SAR1B: variants seen among roughly 807,000 people sequenced by gnomAD.
SAR1B encodes small COPII coat GTPase SAR1B.
Under a neutral mutation model 26.8 loss-of-function variants are expected in SAR1B, and 23 were observed. The ratio of observed to expected loss-of-function variants is 0.86; its 90% CI spans 0.62 to 1.22. SAR1B has a LOEUF of 1.22. SAR1B is among the 50% of genes most tolerant of loss of function. SAR1B has a pLI of 0.00. For synonymous variants in SAR1B, 65 were observed against 80.8 expected (o/e 0.80, Z 1.05); for missense variants, 196 against 232.8 (o/e 0.84, Z 1.03).
rs1765040867 is a variant in SAR1B at position 134,601,958 on chromosome 5, C to T, written c.*4992G>A. 6.6e-6 allele frequency: 1 copy of T among 152,306 alleles called. No individual in the cohort carries two copies. The highest frequency in any genetic ancestry group is 1.5e-5 in the Non-Finnish European group (1 of 68,132). The allele number at this position is 152,306 out of a possible 1,614,324, so 9.4% of individuals were successfully genotyped here. The stretch of plus-strand genomic sequence containing the variant: ...ACTTGGAAGGTTGAGGCAGGAGAAT[C>T]ACTTGAAGCTGGGAGGTGGAGGTTG... On this transcript the variant is annotated 3_prime_UTR_variant, in exon 7 of 7. Coordinates refer to ENST00000402673, the MANE Select transcript of SAR1B (RefSeq NM_016103.4).
intron 2 of SAR1B, among the ~76,000 whole-genome samples, chr5:134,622,271 G>A (rs1322366197): frequency 6.6e-6 from 1 of 151,998 alleles, no homozygotes; most frequent in Non-Finnish European, 1.5e-5. Context: ...TTATCATTAA[G>A]GAATCTACTT....
chr5:134,612,641 TAAAAAAAAAAAAAAAAAAAAAAAA>T lies in SAR1B; in HGVS notation c.244+26_244+49del, dbSNP rs34365859. The T allele has an allele frequency of 1.1e-3, 844 of 767,630 alleles. 2 individuals carry two copies. The highest frequency in any genetic ancestry group is 1.5e-3 in the Admixed American group (24 of 16,038). 47.6% of individuals were successfully genotyped at this position (767,630 alleles called of 1,614,324 possible). On this transcript the variant is annotated intron_variant, in intron 4 of 6. Transcript: ENST00000402673. Reference sequence around the variant, plus strand: ...GCCTGGGAGACAGAGTGAGCCTGTCTAAAAAAAAAAAAAAAAAAAAAAAAAAAAAAAAAAAAAAAAGAATCTTAC... The same window carrying T: ...GCCTGGGAGACAGAGTGAGCCTGTCTAAAAAAAAAAAAAAAAGAATCTTAC...
In SAR1B at chr5:134,606,459, G is replaced by A. The variant is rs2150048911; in HGVS notation, c.*491C>T. 1 of 168,404 alleles carries A rather than the reference G, an allele frequency of 5.9e-6. No individual in the cohort carries two copies. The highest frequency in any genetic ancestry group is 3.2e-3 in the Middle Eastern group (1 of 310). The allele number at this position is 168,404 out of a possible 1,614,324, so 10.4% of individuals were successfully genotyped here. On this transcript the variant is annotated 3_prime_UTR_variant, in exon 7 of 7. Coordinates refer to ENST00000402673, the MANE Select transcript of SAR1B (RefSeq NM_016103.4). ...AACATTAGAGTTTGTTTTATTGCAT[G>A]ACGTTTGCATAAGAAAAAAAGTTAT...
intron 3 of SAR1B, among the ~76,000 whole-genome samples, chr5:134,620,569 C>CA (rs1412751727): frequency 6.6e-6 from 1 of 152,078 alleles, no homozygotes; most frequent in East Asian, 1.9e-4. Flanking sequence ...GCCCCCCAAA[C>CA]AAAAAACTTG....
intron 1 of SAR1B, among the ~76,000 whole-genome samples, chr5:134,627,564 C>G (rs1580657328): frequency 6.8e-6 from 1 of 148,104 alleles, no homozygotes; most frequent in Non-Finnish European, 1.5e-5. Flanking sequence ...TTTGGGAGGC[C>G]GAGGCGGGCG....
intron 4 of SAR1B, among the ~76,000 whole-genome samples, chr5:134,611,055 G>A (rs185763184): frequency 2.0e-5 from 3 of 151,958 alleles, no homozygotes; most frequent in Admixed American, 1.3e-4. Context: ...GTAGAGACAG[G>A]GTCTTGCTAT....
chr5:134,607,253 C>G (rs1765143777), intron 6 of SAR1B, among the ~76,000 whole-genome samples, 187 bp from the exon 7 acceptor site: 1 of 152,152 alleles, frequency 6.6e-6, no homozygotes, highest in South Asian at 2.1e-4. Context: ...CTCACTCTAC[C>G]TTAGGGCAGG....
At chr5:134,611,321 T>C (rs11948613) in intron 4 of SAR1B, among the ~76,000 whole-genome samples, 17,299 of 152,212 alleles carry the variant, frequency 0.11, 1,214 homozygotes, top group East Asian at 0.27. Context: ...TTACAATCTT[T>C]TCAACTATAT....
At chr5:134,608,821 TG>T (rs1765170449) in intron 5 of SAR1B, among the ~76,000 whole-genome samples, 1 of 152,214 alleles carries the variant, frequency 6.6e-6, no homozygotes, top group Admixed American at 6.5e-5. Context: ...GATGTGACTT[TG>T]GGCAAGTTAG....
chr5:134,615,106 T>C (rs547168053), intron 3 of SAR1B, among the ~76,000 whole-genome samples: 6 of 151,984 alleles, frequency 3.9e-5, no homozygotes, highest in Non-Finnish European at 7.4e-5. Flanking sequence ...CCCAGCACTT[T>C]GGGAGGCCGA....
At chr5:134,626,298 C>CAAAAAAAA (rs35668627) in intron 1 of SAR1B, among the ~76,000 whole-genome samples, 10 of 53,124 alleles carry the variant, frequency 1.9e-4, no homozygotes, top group African/African-American at 5.5e-4. Context: ...GACTCTGCCT[C>CAAAAAAAA]AAAAAAAAAA....
intron 4 of SAR1B, among the ~76,000 whole-genome samples, chr5:134,611,475 C>A (rs1765211184): frequency 6.6e-6 from 1 of 151,154 alleles, no homozygotes; most frequent in Non-Finnish European, 1.5e-5. Flanking sequence ...AATCCCAGCA[C>A]TTTGGGAAAT....
At position 134,603,907 on chromosome 5, in the gene SAR1B, G is replaced by C. The variant is rs1189897161; in HGVS notation, c.*3043C>G. On this transcript the variant is annotated 3_prime_UTR_variant, in exon 7 of 7. Coordinates refer to ENST00000402673, the MANE Select transcript of SAR1B (RefSeq NM_016103.4). The stretch of plus-strand genomic sequence containing the variant: ...TTATGCTATAAACCACAAAAAATTT[G>C]TATATGGATCCAGGTACACAAAACT... 6.6e-6 allele frequency: 1 copy of C among 152,190 alleles called. No homozygotes were observed. The highest frequency in any genetic ancestry group is 2.4e-5 in the African/African-American group (1 of 41,458). 9.4% of individuals were successfully genotyped at this position (152,190 alleles called of 1,614,324 possible).
intron 3 of SAR1B, among the ~76,000 whole-genome samples, chr5:134,615,441 G>A (rs1035593212): frequency 6.6e-6 from 1 of 151,926 alleles, no homozygotes; most frequent in African/African-American, 2.4e-5. Flanking sequence ...CTTGAACCCA[G>A]GAGGCGGAGG....
At chr5:134,628,289 A>C (rs934582669) in intron 1 of SAR1B, among the ~76,000 whole-genome samples, 3 of 152,080 alleles carry the variant, frequency 2.0e-5, no homozygotes, top group Non-Finnish European at 4.4e-5. Context: ...AAAAAATAAA[A>C]TAAAAATAAA....
chr5:134,632,648 C>T (rs977954094), intron 1 of SAR1B, 80 bp downstream of exon 1: 14 of 152,362 alleles, frequency 9.2e-5, no homozygotes, highest in African/African-American at 3.4e-4. Flanking sequence ...CAGAGTAGGT[C>T]TTGGCCCTAA....
At chr5:134,608,941 A>T (rs1021979730) in intron 5 of SAR1B, 2 of 369,756 alleles carry the variant, frequency 5.4e-6, no homozygotes, top group African/African-American at 4.2e-5. Flanking sequence ...GAACTCAGGC[A>T]TTCTCTGTCC....
chr5:134,629,911 A>G (rs996293179), intron 1 of SAR1B, among the ~76,000 whole-genome samples: 1 of 151,850 alleles, frequency 6.6e-6, no homozygotes, highest in African/African-American at 2.4e-5. Flanking sequence ...AAAAAAAAGA[A>G]AAAGAAAACG....
At chr5:134,632,323 G>T (rs1445227183) in intron 1 of SAR1B, 1 of 152,202 alleles carries the variant, frequency 6.6e-6, no homozygotes, top group African/African-American at 2.4e-5. Context: ...GTACTAGTAA[G>T]GAAGCTCAAT....
Sources: allele counts gnomAD v4.1 joint callset (sites outside exome capture counted in the v4.1 genomes callset), GRCh38; gene constraint gnomAD v4.1.1; transcripts MANE v1.5; gene names NCBI Gene and HGNC (gene_info 2026-07-23, HGNC 2026-07-21).